Variants in FOXJ3 observed in about 807,000 individuals in gnomAD.
The protein encoded by FOXJ3 is forkhead box J3, also known as forkhead box protein J3.
A neutral mutation model predicts 76.1 loss-of-function variants in FOXJ3; 22 were observed. The ratio of observed to expected loss-of-function variants is 0.29; its 90% CI spans 0.21 to 0.41. The LOEUF (loss-of-function observed/expected upper bound fraction) is 0.41, where lower values mean the gene tolerates loss of function less well. Ranked by LOEUF, FOXJ3 falls within the 10% of genes least tolerant of loss-of-function variation. The pLI, the probability that FOXJ3 is intolerant of heterozygous loss-of-function variation, is 1.00. For missense variants in FOXJ3, 613 were observed against 762.1 expected (o/e 0.80, Z 2.30); for synonymous variants, 269 against 261.2 (o/e 1.03, Z -0.29).
intron 2 of FOXJ3, among the ~76,000 whole-genome samples, chr1:42,291,368 G>A (rs7547118): frequency 0.76 from 114,703 of 151,846 alleles, 43,387 homozygotes; most frequent in Admixed American, 0.81. Context: ...AGCAATCACA[G>A]TTCATAAAAC....
intron 5 of FOXJ3, among the ~76,000 whole-genome samples, chr1:42,214,980 A>G (rs1202304696): frequency 1.3e-5 from 2 of 152,266 alleles, no homozygotes; most frequent in Non-Finnish European, 2.9e-5. Context: ...GAAAGCTTAC[A>G]GTGTAACACA....
intron 8 of FOXJ3, among the ~76,000 whole-genome samples, chr1:42,193,439 T>C (rs534153394): frequency 1.7e-4 from 26 of 151,962 alleles, no homozygotes; most frequent in African/African-American, 6.0e-4. Flanking sequence ...AATGGAATTA[T>C]GGGCTTCAGA....
At chr1:42,193,061 C>A (rs527549827) in intron 8 of FOXJ3, among the ~76,000 whole-genome samples, 1 of 151,976 alleles carries the variant, frequency 6.6e-6, no homozygotes, top group African/African-American at 2.4e-5. Context: ...TGATCTGTAT[C>A]AACATTTTCA....
intron 4 of FOXJ3, among the ~76,000 whole-genome samples, chr1:42,262,356 C>T (rs1557682916): frequency 6.6e-6 from 1 of 152,110 alleles, no homozygotes; most frequent in Non-Finnish European, 1.5e-5. Context: ...ATCTACTGGC[C>T]TTAGTTTCTT....
intron 1 of FOXJ3, among the ~76,000 whole-genome samples, chr1:42,318,103 C>G (rs1261858279): frequency 6.6e-6 from 1 of 152,126 alleles, no homozygotes; most frequent in South Asian, 2.1e-4. Context: ...CAGGTCTTTA[C>G]TTAATACAGT....
At chr1:42,204,796 T>C (rs1349895877) in intron 6 of FOXJ3, among the ~76,000 whole-genome samples, 2 of 151,046 alleles carry the variant, frequency 1.3e-5, no homozygotes, top group African/African-American at 4.9e-5. Context: ...CATTCCTCTA[T>C]GCCTAGGCTA....
intron 1 of FOXJ3, among the ~76,000 whole-genome samples, chr1:42,333,922 T>C (rs1003609107): frequency 3.3e-5 from 5 of 151,980 alleles, no homozygotes; most frequent in African/African-American, 7.3e-5. Context: ...GGAAACAAAA[T>C]AGAAGGAAGA....
intron 5 of FOXJ3, among the ~76,000 whole-genome samples, chr1:42,214,674 T>C (rs1007730385): frequency 6.6e-6 from 1 of 152,232 alleles, no homozygotes; most frequent in Non-Finnish European, 1.5e-5. Flanking sequence ...GTGAATTTCC[T>C]GTTTTGCTGC....
chr1:42,207,681 A>T (rs1646887100), intron 5 of FOXJ3, among the ~76,000 whole-genome samples: 1 of 152,200 alleles, frequency 6.6e-6, no homozygotes, highest in East Asian at 1.9e-4. Flanking sequence ...AATTTCACCA[A>T]GACACATTTT....
chr1:42,212,994 A>T (rs537606267), intron 5 of FOXJ3, among the ~76,000 whole-genome samples: 1 of 149,818 alleles, frequency 6.7e-6, no homozygotes, highest in Admixed American at 6.6e-5. Flanking sequence ...TAAGTTTCAT[A>T]AGTGAAGGAG....
At chr1:42,271,200 T>C (rs979419754) in intron 3 of FOXJ3, among the ~76,000 whole-genome samples, 3 of 152,142 alleles carry the variant, frequency 2.0e-5, no homozygotes, top group African/African-American at 7.2e-5. Context: ...TACCAAAAGT[T>C]TCTTCAATTT....
intron 4 of FOXJ3, among the ~76,000 whole-genome samples, chr1:42,238,389 T>C (rs1648868960): frequency 1.3e-5 from 2 of 152,144 alleles, no homozygotes; most frequent in African/African-American, 2.4e-5. Flanking sequence ...AATCAGGCAG[T>C]ATATATCCTA....
intron 2 of FOXJ3, among the ~76,000 whole-genome samples, chr1:42,306,329 G>C (rs926786479): frequency 1.9e-5 from 2 of 104,230 alleles, no homozygotes; most frequent in Non-Finnish European, 3.6e-5. Context: ...TTTGGAGACA[G>C]TCTCACTCTG....
intron 2 of FOXJ3, among the ~76,000 whole-genome samples, chr1:42,300,413 CTTGT>C (rs1654063220): frequency 6.6e-6 from 1 of 152,128 alleles, no homozygotes; most frequent in South Asian, 2.1e-4. Context: ...TCCCTTCACA[CTTGT>C]TTGTCTGGGA....
intron 2 of FOXJ3, among the ~76,000 whole-genome samples, chr1:42,296,500 A>G (rs1350947265): frequency 6.6e-6 from 1 of 152,230 alleles, no homozygotes; most frequent in Non-Finnish European, 1.5e-5. Context: ...ACAAGGGTCC[A>G]GTTTCCTTCT....
chr1:42,333,548 A>T (rs1218609549), intron 1 of FOXJ3, among the ~76,000 whole-genome samples: 1 of 152,188 alleles, frequency 6.6e-6, no homozygotes, highest in Non-Finnish European at 1.5e-5. Context: ...TAAAAAACTT[A>T]ATCACGTCTA....
intron 8 of FOXJ3, among the ~76,000 whole-genome samples, chr1:42,192,996 C>T (rs192206141): frequency 2.0e-5 from 3 of 152,158 alleles, no homozygotes; most frequent in African/African-American, 7.2e-5. Flanking sequence ...TCAAAGAAAG[C>T]AGTAATTTAT....
At chr1:42,317,939 C>T (rs761842142) in intron 1 of FOXJ3, among the ~76,000 whole-genome samples, 1 of 152,006 alleles carries the variant, frequency 6.6e-6, no homozygotes, top group Non-Finnish European at 1.5e-5. Context: ...TTTATTTCTC[C>T]CCCATCAGAA....
intron 1 of FOXJ3, among the ~76,000 whole-genome samples, chr1:42,315,651 G>A (rs1055436709): frequency 1.3e-5 from 2 of 152,134 alleles, no homozygotes; most frequent in African/African-American, 4.8e-5. Context: ...ACATATATCA[G>A]TCTTCTCCCT....
Sources: allele counts gnomAD v4.1 joint callset (sites outside exome capture counted in the v4.1 genomes callset), GRCh38; gene constraint gnomAD v4.1.1; transcripts MANE v1.5; gene names NCBI Gene and HGNC (gene_info 2026-07-23, HGNC 2026-07-21).